The following NEDD4L variants were observed in gnomAD, a reference collection of about 807,000 sequenced individuals.
The protein encoded by NEDD4L is NEDD4 like E3 ubiquitin protein ligase, also known as E3 ubiquitin-protein ligase NEDD4-like.
Under a neutral mutation model 148.9 loss-of-function variants are expected in NEDD4L, and 54 were observed. The observed-to-expected ratio is 0.36, with a 90% CI of 0.29 to 0.45. The LOEUF (loss-of-function observed/expected upper bound fraction) is 0.45. Among genes scored for constraint, NEDD4L ranks in the 20% least tolerant of loss-of-function variants. The pLI is 1.00. For synonymous variants in NEDD4L, 433 were observed against 440.7 expected (o/e 0.98, Z 0.22); for missense variants, 856 against 1,233.8 (o/e 0.69, Z 4.59).
At chr18:58,167,867 A>C (rs2037064194) in intron 2 of NEDD4L, among the ~76,000 whole-genome samples, 1 of 152,064 alleles carries the variant, frequency 6.6e-6, no homozygotes, top group South Asian at 2.1e-4. Flanking sequence ...AATTTTGGTG[A>C]TTTCTTTTTA....
chr18:58,228,143 C>T (rs2044597305), intron 2 of NEDD4L, among the ~76,000 whole-genome samples: 1 of 152,206 alleles, frequency 6.6e-6, no homozygotes, highest in Admixed American at 6.5e-5. Context: ...TGTAAAGCAA[C>T]CTTTGTTGCA....
Position 58,373,263 on chromosome 18 carries a change from T to A in NEDD4L, c.2346T>A (p.Phe782Leu). The stretch of plus-strand genomic sequence containing the variant: ...TGTTCTGCATAGACGAAGAAAACTT[T>A]GGACAGGTACATGTGGGTAACCCTG... ...DLMFCIDEEN[F>L]GQTYQVDLKP... The change falls in exon 24 of 31, where the codon TTT becomes TTA. Residue 782 changes from phenylalanine to leucine, a missense_variant. By Grantham distance (22) the Phe-to-Leu change is conservative (BLOSUM62 0). Around this residue, in one of 4 missense-constraint regions of NEDD4L, gnomAD observed 286 missense variants for 531.8 expected, o/e 0.54. Transcript: ENST00000400345. 1 of 1,567,202 alleles carries A rather than the reference T, an allele frequency of 6.4e-7. No homozygotes were observed. The highest frequency in any genetic ancestry group is 8.7e-7 in the Non-Finnish European group (1 of 1,149,792).
At chr18:58,359,940 G>C (rs1214577405) in intron 19 of NEDD4L, 2 of 152,268 alleles carry the variant, frequency 1.3e-5, no homozygotes, top group African/African-American at 4.8e-5. Context: ...TGACTCAAAA[G>C]GTCTCATTTG....
At chr18:58,310,133 G>T (rs2057518781) in intron 5 of NEDD4L, among the ~76,000 whole-genome samples, 1 of 152,168 alleles carries the variant, frequency 6.6e-6, no homozygotes, top group Admixed American at 6.5e-5. Flanking sequence ...GGTCTTCCTG[G>T]TTGTAGGTAC....
At chr18:58,148,022 C>G (rs978565577) in intron 1 of NEDD4L, among the ~76,000 whole-genome samples, 2 of 151,560 alleles carry the variant, frequency 1.3e-5, no homozygotes, top group African/African-American at 4.9e-5. Flanking sequence ...ACACAGGACT[C>G]AAGGAGTCCA....
Position 58,366,229 on chromosome 18 carries a change from G to A in NEDD4L, c.2063+1G>A. 2 of 1,587,278 alleles carry A rather than the reference G, an allele frequency of 1.3e-6. No homozygotes were observed. Among genetic ancestry groups the A allele is most frequent in the Non-Finnish European group, 1.7e-6 (2 of 1,162,562 alleles). ...ACGGCCTCTTTGAGTACTCTGCCAC[G>A]TAAGTATATGGCCACACCCAGTGTG... On this transcript the variant is annotated splice_donor_variant, in intron 21 of 30. Coordinates refer to ENST00000400345, the MANE Select transcript of NEDD4L (RefSeq NM_001144967.3). LOFTEE classifies it high-confidence loss of function. This position sits in a 1 kb window ranked among gnomAD's most constrained non-coding sequence, Gnocchi z 4.2.
rs201565393 is a variant in NEDD4L, at chr18:58,068,190, CT to C, written c.48+23499del. Among the ~76,000 whole-genome samples the C allele has an allele frequency of 8.5e-3, 926 of 109,260 alleles. 8 individuals are homozygous for C. Among genetic ancestry groups the C allele is most frequent in the African/African-American group, 0.024 (508 of 21,470 alleles). The allele number at this position is 109,260 out of a possible 152,430, so 71.7% of individuals were successfully genotyped here. Reference sequence around the variant, plus strand: ...AGACTGATCTTGAACTCCTAGAATTCTTTTTTTTTTTTTTTTTGTTTTGTTT... The same window carrying C: ...AGACTGATCTTGAACTCCTAGAATTCTTTTTTTTTTTTTTTTGTTTTGTTT... On this transcript the variant is annotated intron_variant, in intron 1 of 30. Transcript: ENST00000400345.
intron 1 of NEDD4L, among the ~76,000 whole-genome samples, chr18:58,119,892 C>T (rs1242868544): frequency 6.6e-6 from 1 of 152,210 alleles, no homozygotes; most frequent in Non-Finnish European, 1.5e-5. Flanking sequence ...GTTCTCATAG[C>T]AGCCAGGGTC....
At chr18:58,132,306 T>C (rs2032274331) in intron 1 of NEDD4L, among the ~76,000 whole-genome samples, 1 of 152,132 alleles carries the variant, frequency 6.6e-6, no homozygotes, top group Non-Finnish European at 1.5e-5. Context: ...ACCAATGGAG[T>C]TTCCTTGGGA....
chr18:58,233,310 T>A (rs2045479294), intron 2 of NEDD4L, among the ~76,000 whole-genome samples: 2 of 152,222 alleles, frequency 1.3e-5, no homozygotes, highest in Non-Finnish European at 2.9e-5. Context: ...ACTGGGTCAT[T>A]TATAAAGAAA....
intron 2 of NEDD4L, among the ~76,000 whole-genome samples, chr18:58,189,674 G>A (rs2039885198): frequency 6.6e-6 from 1 of 152,238 alleles, no homozygotes; most frequent in South Asian, 2.1e-4. Context: ...AGTGGTTTTG[G>A]CTTTTTTCTT....
Position 58,122,826 on chromosome 18 carries a change from C to G in NEDD4L, c.49-42962C>G, listed in dbSNP as rs191840313. Among the ~76,000 whole-genome samples, 309 of 152,006 alleles carry G rather than the reference C, an allele frequency of 2.0e-3. 1 individual carries two copies. The highest frequency in any genetic ancestry group is 7.1e-3 in the African/African-American group (293 of 41,460). On this transcript the variant is annotated intron_variant, in intron 1 of 30. Transcript: ENST00000400345. ...TCTCGGCTCACTGCAGTGTCTGCCT[C>G]CCAAGTTCAAGCAATTCTCCTGCCT...
chr18:58,393,719 C>T (rs1377153569), intron 30 of NEDD4L, among the ~76,000 whole-genome samples: 1 of 152,196 alleles, frequency 6.6e-6, no homozygotes, highest in Non-Finnish European at 1.5e-5. Flanking sequence ...TGTTTCGTGG[C>T]AACAGTTCTG....
chr18:58,119,306 G>A (rs1321764446), intron 1 of NEDD4L, among the ~76,000 whole-genome samples: 2 of 152,160 alleles, frequency 1.3e-5, no homozygotes, highest in Non-Finnish European at 2.9e-5. Context: ...CAGAGCAATG[G>A]GGGAGGTGGG....
intron 1 of NEDD4L, among the ~76,000 whole-genome samples, chr18:58,150,603 G>T (rs537157982): frequency 2.0e-5 from 3 of 152,368 alleles, no homozygotes; most frequent in African/African-American, 7.2e-5. Context: ...AAAGCACTCT[G>T]ATTTGGACTG....
At chr18:58,141,348 C>G (rs916160671) in intron 1 of NEDD4L, among the ~76,000 whole-genome samples, 7 of 152,086 alleles carry the variant, frequency 4.6e-5, no homozygotes, top group African/African-American at 1.7e-4. Context: ...CAGACAGGCA[C>G]ATATGGTTTG....
intron 1 of NEDD4L, chr18:58,047,235 G>A (rs1008429005): frequency 5.1e-6 from 5 of 984,678 alleles, no homozygotes; most frequent in Non-Finnish European, 6.0e-6. Flanking sequence ...TATTTTGACC[G>A]CTATTTAGAA....
intron 5 of NEDD4L, among the ~76,000 whole-genome samples, chr18:58,265,101 CATGGAGGGG>C (rs2050034392): frequency 6.6e-6 from 1 of 151,640 alleles, no homozygotes; most frequent in South Asian, 2.1e-4. Context: ...GGAACTGTGT[CATGGAGGGG>C]CAAGACTGGA....
chr18:58,180,197 T>C (rs1448532985), intron 2 of NEDD4L, among the ~76,000 whole-genome samples: 2 of 152,030 alleles, frequency 1.3e-5, no homozygotes, highest in Non-Finnish European at 1.5e-5. Flanking sequence ...CGAGCCGCGG[T>C]GCGCTCTTCC....
Sources: allele counts gnomAD v4.1 joint callset (sites outside exome capture counted in the v4.1 genomes callset), GRCh38; gene constraint gnomAD v4.1.1; regional missense constraint gnomAD v4.1.1; non-coding constraint Gnocchi (gnomAD v3.1); transcripts MANE v1.5; gene names NCBI Gene and HGNC (gene_info 2026-07-23, HGNC 2026-07-21).